The following ANKS6 variants were observed in gnomAD, a reference collection of about 807,000 sequenced individuals.
ANKS6 encodes ankyrin repeat and sterile alpha motif domain containing 6.
Under a neutral mutation model 77.9 loss-of-function variants are expected in ANKS6, and 47 were observed. The observed-to-expected ratio is 0.60, with a 90% confidence interval of 0.48 to 0.77. ANKS6 has a LOEUF of 0.77. ANKS6 is among the 30% of genes least tolerant of loss of function. The pLI, the probability that ANKS6 is intolerant of heterozygous loss-of-function variation, is 0.00. For missense variants in ANKS6, 1,150 were observed against 1,159.1 expected (o/e 0.99, Z 0.11); for synonymous variants, 488 against 501.7 (o/e 0.97, Z 0.37).
chr9:98,732,204 G>A lies in ANKS6; in HGVS notation c.*4315C>T. 2.3e-6 allele frequency: 1 copy of A among 432,496 alleles called. No homozygotes were observed. Among genetic ancestry groups the A allele is most frequent in the Non-Finnish European group, 4.2e-6 (1 of 239,918 alleles). The allele number at this position is 432,496 out of a possible 1,614,324, so 26.8% of individuals were successfully genotyped here. A position where few individuals can be genotyped will look rare whatever the true frequency, so the allele number is the denominator to read the frequency against. The stretch of plus-strand genomic sequence containing the variant: ...AGAATTCTCCCAGGAAGGGTCCCGG[G>A]CTCTTCAGGAGGCATTTACTTGGAA... On this transcript the variant is annotated 3_prime_UTR_variant, in exon 15 of 15. Coordinates refer to ENST00000353234, the MANE Select transcript of ANKS6 (RefSeq NM_173551.5).
intron 14 of ANKS6, among the ~76,000 whole-genome samples, chr9:98,738,257 T>C (rs1831609711): frequency 1.3e-5 from 2 of 152,046 alleles, no homozygotes; most frequent in Admixed American, 6.5e-5. Flanking sequence ...CTAAAGAGCT[T>C]TTGCATGGCA....
At chr9:98,784,634 G>A (rs775388024) in intron 3 of ANKS6, among the ~76,000 whole-genome samples, 198 bp downstream of exon 3, 5 of 152,116 alleles carry the variant, frequency 3.3e-5, no homozygotes, top group Non-Finnish European at 4.4e-5. Flanking sequence ...AGTGGGGCTG[G>A]AGGCCGTCTG....
chr9:98,740,692 A>G (rs958575482), intron 14 of ANKS6, among the ~76,000 whole-genome samples: 3 of 152,206 alleles, frequency 2.0e-5, no homozygotes, highest in African/African-American at 4.8e-5. Context: ...GATTAAAACC[A>G]TAATTGTTTC....
intron 12 of ANKS6, among the ~76,000 whole-genome samples, chr9:98,754,160 C>T (rs912896116): frequency 4.6e-5 from 7 of 152,182 alleles, no homozygotes; most frequent in African/African-American, 1.7e-4. Context: ...TAGGTTAGGG[C>T]ATCCAGGGGA....
chr9:98,795,310 G>A (rs199882223), intron 1 of ANKS6, among the ~76,000 whole-genome samples: 2 of 151,114 alleles, frequency 1.3e-5, no homozygotes, highest in East Asian at 1.9e-4. Context: ...CACACTTCAA[G>A]GAAAGTAATT....
intron 14 of ANKS6, among the ~76,000 whole-genome samples, chr9:98,739,473 T>C (rs1248402007): frequency 1.3e-5 from 2 of 152,058 alleles, no homozygotes; most frequent in African/African-American, 2.4e-5. Context: ...TCCTATTTGC[T>C]AGCTGGGTCA....
intron 11 of ANKS6, 146 bp from the exon 12 acceptor site, chr9:98,756,749 G>A (rs1564190041): frequency 5.7e-6 from 4 of 705,412 alleles, no homozygotes; most frequent in Non-Finnish European, 8.2e-6. Context: ...TTAAAAACAT[G>A]GAAAGCAGAA....
At position 98,736,330 on chromosome 9, in the gene ANKS6, C is replaced by G. The variant is rs2131915600; in HGVS notation, c.*189G>C. ...TGGACTGTTACATGGGAATCTGTCT[C>G]TGTGTGTTGAAGTTTGTTGCAGCAA... On this transcript the variant is annotated 3_prime_UTR_variant, in exon 15 of 15. Coordinates refer to ENST00000353234, the MANE Select transcript of ANKS6 (RefSeq NM_173551.5). 1 of 1,420,048 alleles carries G rather than the reference C, an allele frequency of 7.0e-7. No homozygotes were observed. Among genetic ancestry groups the G allele is most frequent in the Non-Finnish European group, 9.2e-7 (1 of 1,091,472 alleles). The allele number at this position is 1,420,048 out of a possible 1,614,324, so 88.0% of individuals were successfully genotyped here.
At chr9:98,740,999 GA>G (rs1317772535) in intron 14 of ANKS6, among the ~76,000 whole-genome samples, 1 of 152,176 alleles carries the variant, frequency 6.6e-6, no homozygotes, top group Non-Finnish European at 1.5e-5. Context: ...GCTCTTTCCG[GA>G]AAGTTATTCA....
chr9:98,736,569 C>G lies in ANKS6; in HGVS notation c.2566G>C (p.Glu856Gln). 1 of 1,613,668 alleles carries G rather than the reference C, an allele frequency of 6.2e-7. No homozygotes were observed. The highest frequency in any genetic ancestry group is 8.5e-7 in the Non-Finnish European group (1 of 1,179,802). ...ETIHNFHSSF[E>Q]SSASNTRAPG... ...GCCCTGGTGTTGCTGGCACTGCTCT[C>G]AAAGGAAGAGTGAAAGTTGTGAATG... The change falls in exon 15 of 15, where the codon GAG (glutamate) becomes CAG (glutamine). Residue 856 changes from glutamate (E) to glutamine (Q), a missense_variant. By Grantham distance (29) the Glu-to-Gln change is conservative (BLOSUM62 2). Coordinates refer to ENST00000353234, the MANE Select transcript of ANKS6 (RefSeq NM_173551.5).
At position 98,790,145 on chromosome 9, in the gene ANKS6, A is replaced by G. The variant is rs767176226; in HGVS notation, c.821T>C (p.Val274Ala). The stretch of plus-strand genomic sequence containing the variant: ...GGTGGTCAGCGGGTCCAGGTAGTCT[A>G]CAAGGTCCCTGTGCTTGCAGTCCAG... ...VALDCKHRDL[V>A]DYLDPLTTVR... is the part of the protein sequence containing the mutation. The change falls in exon 2 of 15, where the codon GTA (valine) becomes GCA (alanine). Residue 274 changes from valine (V) to alanine (A), a missense_variant. By Grantham distance (64) the Val-to-Ala change is moderately conservative. Transcript: ENST00000353234. 1 of 1,584,694 alleles carries G rather than the reference A, an allele frequency of 6.3e-7. No homozygotes were observed. The highest frequency in any genetic ancestry group is 8.6e-7 in the Non-Finnish European group (1 of 1,158,044).
intron 6 of ANKS6, 90 bp downstream of exon 6, chr9:98,780,099 A>C: frequency 6.4e-7 from 1 of 1,562,138 alleles, no homozygotes; most frequent in Non-Finnish European, 8.7e-7. Context: ...CCCTAGCATA[A>C]ACCAGCCTGG....
intron 10 of ANKS6, among the ~76,000 whole-genome samples, chr9:98,769,681 G>T (rs1337439695): frequency 6.6e-6 from 1 of 152,160 alleles, no homozygotes; most frequent in African/African-American, 2.4e-5. Flanking sequence ...AGACTGCCTG[G>T]GTTTGGATCC....
At chr9:98,782,284 C>T (rs1396945905) in intron 5 of ANKS6, among the ~76,000 whole-genome samples, 183 bp downstream of exon 5, 1 of 152,130 alleles carries the variant, frequency 6.6e-6, no homozygotes, top group African/African-American at 2.4e-5. Context: ...CCAAGTCCAG[C>T]GCTTCACTGG....
At chr9:98,771,705 C>T (rs371482966) in intron 9 of ANKS6, among the ~76,000 whole-genome samples, 3 of 152,104 alleles carry the variant, frequency 2.0e-5, no homozygotes, top group Non-Finnish European at 2.9e-5. Flanking sequence ...GGCTCCCCCC[C>T]ATCCTTACCC....
intron 6 of ANKS6, among the ~76,000 whole-genome samples, chr9:98,779,898 G>A (rs1381689015): frequency 6.6e-6 from 1 of 152,064 alleles, no homozygotes; most frequent in Non-Finnish European, 1.5e-5. Context: ...TCCTGACCTC[G>A]TGATCCGCCC....
chr9:98,786,753 G>A (rs899337379), intron 2 of ANKS6, among the ~76,000 whole-genome samples: 1 of 152,192 alleles, frequency 6.6e-6, no homozygotes, highest in Non-Finnish European at 1.5e-5. Context: ...GTGGGGTGGG[G>A]TCTTCTCATG....
intron 8 of ANKS6, 80 bp downstream of exon 8, chr9:98,777,325 C>T (rs1833970387): frequency 6.8e-7 from 1 of 1,476,386 alleles, no homozygotes; most frequent in Non-Finnish European, 9.5e-7. Context: ...GACAGACAAA[C>T]ACCTACATCC....
chr9:98,742,410 C>T (rs778389268), intron 14 of ANKS6, among the ~76,000 whole-genome samples: 13 of 152,218 alleles, frequency 8.5e-5, no homozygotes, highest in Non-Finnish European at 1.8e-4. Flanking sequence ...AACCAGCACG[C>T]AGTTGCAGTG....
Sources: allele counts gnomAD v4.1 joint callset (sites outside exome capture counted in the v4.1 genomes callset), GRCh38; gene constraint gnomAD v4.1.1; transcripts MANE v1.5; gene names NCBI Gene and HGNC (gene_info 2026-07-23, HGNC 2026-07-21).